SFMBT2: variants seen among roughly 807,000 people sequenced by gnomAD.
SFMBT2 encodes scm-like with four MBT domains protein 2.
A neutral mutation model predicts 110.1 loss-of-function variants in SFMBT2; 38 were observed. That is an observed-to-expected ratio of 0.35 (90% CI 0.27 to 0.45). The LOEUF (loss-of-function observed/expected upper bound fraction) is 0.45, where lower values mean the gene tolerates loss of function less well. SFMBT2 is among the 20% of genes least tolerant of loss of function. The pLI is 1.00. For synonymous variants in SFMBT2, 425 were observed against 425.4 expected (o/e 1.00, Z 0.01); for missense variants, 1,011 against 1,094.9 (o/e 0.92, Z 1.08).
intron 1 of SFMBT2, among the ~76,000 whole-genome samples, chr10:7,391,024 T>C (rs776542884): frequency 1.7e-4 from 26 of 149,496 alleles, no homozygotes; most frequent in Non-Finnish European, 2.8e-4. Flanking sequence ...CACTTGAACC[T>C]GAGAGGCTAA....
chr10:7,193,878 T>C (rs1391040009), intron 15 of SFMBT2, among the ~76,000 whole-genome samples: 2 of 152,238 alleles, frequency 1.3e-5, no homozygotes, highest in African/African-American at 4.8e-5. Flanking sequence ...TCTCCTGATA[T>C]GACATAGATC....
At chr10:7,370,487 G>A in intron 2 of SFMBT2, 112 bp from the exon 3 acceptor site, 1 of 886,694 alleles carries the variant, frequency 1.1e-6, no homozygotes, top group Non-Finnish European at 1.8e-6. Context: ...TAATTCCACA[G>A]TTCAGAAGGA....
chr10:7,262,366 G>C (rs975991190), intron 7 of SFMBT2, among the ~76,000 whole-genome samples: 3 of 150,952 alleles, frequency 2.0e-5, no homozygotes, highest in African/African-American at 7.3e-5. Flanking sequence ...GAATGGAATA[G>C]AAAATGGCCC....
chr10:7,353,473 C>G (rs1457528483), intron 4 of SFMBT2, among the ~76,000 whole-genome samples: 2 of 148,328 alleles, frequency 1.3e-5, no homozygotes, highest in African/African-American at 5.0e-5. Flanking sequence ...CTAAGAACAT[C>G]TAAGCATCTA....
intron 1 of SFMBT2, among the ~76,000 whole-genome samples, chr10:7,410,464 G>A (rs1402475718): frequency 2.6e-5 from 4 of 152,240 alleles, no homozygotes. Context: ...AGGAAGGTGG[G>A]CGGCGGGAGG....
chr10:7,235,886 A>G (rs1804306025), intron 9 of SFMBT2, among the ~76,000 whole-genome samples: 1 of 152,144 alleles, frequency 6.6e-6, no homozygotes, highest in African/African-American at 2.4e-5. Context: ...CTATCTCACA[A>G]ATGGTTACCC....
In SFMBT2 at chr10:7,183,781, G is replaced by A. The variant is rs80162251; in HGVS notation, c.1808+4843C>T. Reference sequence around the variant, plus strand: ...CACTTGCTTTCCTCAAATCCAATTTGTCTTTCCCAAAGCAATCTATTTGTT... The same window carrying A: ...CACTTGCTTTCCTCAAATCCAATTTATCTTTCCCAAAGCAATCTATTTGTT... On this transcript the variant is annotated intron_variant, in intron 16 of 20. Transcript: ENST00000397167. Among the ~76,000 whole-genome samples, 1,261 of 152,302 alleles carry A rather than the reference G, an allele frequency of 8.3e-3. 19 individuals are homozygous for A. Among genetic ancestry groups the A allele is most frequent in the African/African-American group, 0.029 (1,202 of 41,558 alleles).
chr10:7,401,719 T>C (rs1846088576), intron 1 of SFMBT2, among the ~76,000 whole-genome samples: 1 of 152,184 alleles, frequency 6.6e-6, no homozygotes, highest in Admixed American at 6.5e-5. Flanking sequence ...CACTTCTCTG[T>C]GCTTAGGAAG....
chr10:7,311,481 C>A (rs10905151), intron 4 of SFMBT2, among the ~76,000 whole-genome samples: 32,087 of 152,074 alleles, frequency 0.21, 3,671 homozygotes, highest in East Asian at 0.31. Context: ...TCTATCACAT[C>A]CTCCATCGTC....
At chr10:7,260,288 C>T (rs1413691668) in intron 7 of SFMBT2, among the ~76,000 whole-genome samples, 1 of 152,146 alleles carries the variant, frequency 6.6e-6, no homozygotes, top group Non-Finnish European at 1.5e-5. Flanking sequence ...TGGTATAAAC[C>T]ATAAGGAAAT....
chr10:7,323,222 G>C (rs1376752676), intron 4 of SFMBT2, among the ~76,000 whole-genome samples: 1 of 152,160 alleles, frequency 6.6e-6, no homozygotes, highest in Non-Finnish European at 1.5e-5. Flanking sequence ...GGGAGGCTGA[G>C]GCGGGTTGGT....
chr10:7,244,514 G>A (rs17424847), intron 8 of SFMBT2, among the ~76,000 whole-genome samples: 28,952 of 152,098 alleles, frequency 0.19, 3,478 homozygotes, highest in South Asian at 0.38. Context: ...ACATAGGAAC[G>A]GGATAAATGT....
chr10:7,342,396 C>CTTTTTTTTTT lies in SFMBT2; in HGVS notation c.436+25243_436+25252dup, dbSNP rs71382101. 1.9e-3 allele frequency among the ~76,000 whole-genome samples: 135 copies of CTTTTTTTTTT among 69,662 alleles called. 32 individuals carry two copies. The highest frequency in any genetic ancestry group is 2.8e-3 in the Non-Finnish European group (103 of 36,204). 45.7% of individuals were successfully genotyped at this position (69,662 alleles called of 152,430 possible). A position where few individuals can be genotyped will look rare whatever the true frequency, so the allele number is the denominator to read the frequency against. ...ATTTAGGAATTGCACTGGAGTGAGT[C>CTTTTTTTTTT]TTTTTTTTTTTTTTTTTTTTTTTTT... On this transcript the variant is annotated intron_variant, in intron 4 of 20. Transcript: ENST00000397167.
chr10:7,303,027 C>G (rs1050646203), intron 4 of SFMBT2, among the ~76,000 whole-genome samples: 2 of 150,780 alleles, frequency 1.3e-5, no homozygotes, highest in Non-Finnish European at 3.0e-5. Context: ...AAAAAAAATG[C>G]TGCACCTGTA....
At chr10:7,368,342 G>C in intron 3 of SFMBT2, 2 of 985,374 alleles carry the variant, frequency 2.0e-6, no homozygotes, top group Non-Finnish European at 2.4e-6. Flanking sequence ...CTAGAAAATG[G>C]AGTTGTTTTT....
intron 10 of SFMBT2, among the ~76,000 whole-genome samples, chr10:7,224,795 C>T (rs1164907382): frequency 2.0e-5 from 3 of 152,256 alleles, no homozygotes; most frequent in African/African-American, 7.2e-5. Flanking sequence ...TGTTATAATA[C>T]TATAGATTTA....
intron 4 of SFMBT2, among the ~76,000 whole-genome samples, chr10:7,354,976 A>G (rs1227617991): frequency 6.6e-6 from 1 of 152,240 alleles, no homozygotes; most frequent in Non-Finnish European, 1.5e-5. Context: ...ATCTTTATCT[A>G]TTTGGCCTTC....
intron 4 of SFMBT2, among the ~76,000 whole-genome samples, chr10:7,316,031 A>G (rs1843001573): frequency 6.6e-6 from 1 of 152,220 alleles, no homozygotes; most frequent in African/African-American, 2.4e-5. Context: ...AACAATTGGA[A>G]GCTGAACTTG....
At chr10:7,206,114 G>C (rs1193330869) in intron 11 of SFMBT2, 186 bp from the exon 12 acceptor site, 46 of 985,232 alleles carry the variant, frequency 4.7e-5, no homozygotes, top group Non-Finnish European at 5.4e-5. Flanking sequence ...TCTTATCAGA[G>C]ACAAAACTCC....
Sources: allele counts gnomAD v4.1 joint callset (sites outside exome capture counted in the v4.1 genomes callset), GRCh38; gene constraint gnomAD v4.1.1; transcripts MANE v1.5; gene names NCBI Gene and HGNC (gene_info 2026-07-23, HGNC 2026-07-21).